The following SLC23A2 variants were observed in gnomAD, a reference collection of about 807,000 sequenced individuals.
SLC23A2 encodes the protein Na(+)/L-ascorbic acid transporter 2.
Under a neutral mutation model 73.3 loss-of-function variants are expected in SLC23A2, and 36 were observed. That is an observed-to-expected ratio of 0.49 (90% confidence interval 0.38 to 0.65). The LOEUF is 0.65. SLC23A2 is among the 30% of genes least tolerant of loss of function. SLC23A2 has a pLI of 0.00. For missense variants in SLC23A2, 507 were observed against 841.6 expected (o/e 0.60, Z 4.92); for synonymous variants, 343 against 327.3 (o/e 1.05, Z -0.52).
chr20:4,937,864 G>C (rs1248603333), intron 2 of SLC23A2, among the ~76,000 whole-genome samples: 2 of 152,024 alleles, frequency 1.3e-5, no homozygotes, highest in East Asian at 3.9e-4. Context: ...CTGAGGGGCA[G>C]GAATCACCTT....
chr20:4,897,265 G>A (rs552777911), intron 6 of SLC23A2, among the ~76,000 whole-genome samples: 51 of 152,224 alleles, frequency 3.4e-4, no homozygotes, highest in South Asian at 6.2e-4. Context: ...CCCCACCAAA[G>A]TCCCCAGCAC....
chr20:5,003,244 C>T (rs2088151404), upstream of SLC23A2, among the ~76,000 whole-genome samples: 1 of 151,970 alleles, frequency 6.6e-6, no homozygotes, highest in Non-Finnish European at 1.5e-5. Flanking sequence ...ATTAGCCGGG[C>T]GTGGTGGCGG....
intron 9 of SLC23A2, among the ~76,000 whole-genome samples, chr20:4,881,018 T>A (rs746176794): frequency 3.3e-5 from 5 of 152,192 alleles, no homozygotes; most frequent in Non-Finnish European, 5.9e-5. Flanking sequence ...GAGAACGGGT[T>A]CAGAATTTGT....
In SLC23A2 at chr20:4,872,394, C is replaced by T. The variant is rs778109368; in HGVS notation, c.1102+1542G>A. Among the ~76,000 whole-genome samples the T allele has an allele frequency of 5.9e-5, 9 of 152,200 alleles. 1 individual carries two copies. In the South Asian group the frequency reaches 8.3e-4, roughly 14 times the overall value. On this transcript the variant is annotated intron_variant, in intron 11 of 16. Coordinates refer to ENST00000338244, the MANE Select transcript of SLC23A2 (RefSeq NM_005116.6). The surrounding 1 kb of genome is among the most constrained non-coding windows in gnomAD (Gnocchi z 4.4). ...CGCTCACGGCCAGCACAACCTCAGGCGCTCTGTCTACTAAGTTTCGCCTTC... is the reference window on the plus strand; with the variant it reads ...CGCTCACGGCCAGCACAACCTCAGGTGCTCTGTCTACTAAGTTTCGCCTTC...
chr20:4,988,857 G>A (rs2087875979), intron 1 of SLC23A2, among the ~76,000 whole-genome samples: 1 of 152,050 alleles, frequency 6.6e-6, no homozygotes, highest in South Asian at 2.1e-4. Flanking sequence ...GTTGCAGTGA[G>A]CCAAGATTGC....
Position 4,879,408 on chromosome 20 carries a change from C to CAAAAAAAA in SLC23A2, c.824+4226_824+4233dup, listed in dbSNP as rs111565515. ...GGGCAACCAGAGTAAAACTCTGTCT[C>CAAAAAAAA]AAAAAAAAAAAAAAAAAAAAAAAAA... On this transcript the variant is annotated intron_variant, in intron 9 of 16. Coordinates refer to ENST00000338244, the MANE Select transcript of SLC23A2 (RefSeq NM_005116.6). Among the ~76,000 whole-genome samples the CAAAAAAAA allele has an allele frequency of 8.1e-4, 35 of 42,994 alleles. 2 individuals carry two copies. The highest frequency in any genetic ancestry group is 2.0e-3 in the African/African-American group (22 of 11,160). 28.2% of individuals were successfully genotyped at this position (42,994 alleles called of 152,430 possible).
At chr20:4,934,120 A>T (rs955292890) in intron 2 of SLC23A2, among the ~76,000 whole-genome samples, 3 of 152,212 alleles carry the variant, frequency 2.0e-5, no homozygotes, top group African/African-American at 7.2e-5. Flanking sequence ...CACACATCAA[A>T]TTCTTCCGGG....
intron 3 of SLC23A2, among the ~76,000 whole-genome samples, chr20:4,927,638 T>A (rs532080505): frequency 6.6e-6 from 1 of 152,242 alleles, no homozygotes; most frequent in Admixed American, 6.5e-5. Context: ...AAACTTATGG[T>A]TTTCCCTAGA....
chr20:4,955,463 A>G (rs902015882), intron 2 of SLC23A2, among the ~76,000 whole-genome samples: 1 of 151,942 alleles, frequency 6.6e-6, no homozygotes, highest in Non-Finnish European at 1.5e-5. Flanking sequence ...ATTCCCATAC[A>G]TGAGCACTAA....
intron 4 of SLC23A2, among the ~76,000 whole-genome samples, chr20:4,905,583 G>C (rs1931915386): frequency 6.6e-6 from 1 of 152,200 alleles, no homozygotes; most frequent in African/African-American, 2.4e-5. Context: ...GTGCTCCAAA[G>C]ACTAGAGTGA....
chr20:4,863,838 A>T lies in SLC23A2; in HGVS notation c.1357-931T>A, dbSNP rs901151014. The stretch of plus-strand genomic sequence containing the variant: ...TCACCCAAATGCTCCTCTGAAAAGC[A>T]TCCCAACTCCAGGACTATTCCCCCA... On this transcript the variant is annotated intron_variant, in intron 13 of 16. Coordinates refer to ENST00000338244, the MANE Select transcript of SLC23A2 (RefSeq NM_005116.6). The surrounding 1 kb of genome is among the most constrained non-coding windows in gnomAD (Gnocchi z 4.8). Among the ~76,000 whole-genome samples the T allele has an allele frequency of 6.6e-6, 1 of 152,214 alleles. No individual in the cohort carries two copies. The highest frequency in any genetic ancestry group is 1.5e-5 in the Non-Finnish European group (1 of 68,044).
intron 6 of SLC23A2, among the ~76,000 whole-genome samples, chr20:4,886,591 C>G (rs551698149): frequency 6.6e-6 from 1 of 152,168 alleles, no homozygotes; most frequent in Admixed American, 6.5e-5. Context: ...CCTCAAATGA[C>G]ATGATTTGAT....
intron 1 of SLC23A2, among the ~76,000 whole-genome samples, chr20:5,009,328 C>T (rs148269444): frequency 1.9e-4 from 29 of 152,318 alleles, no homozygotes; most frequent in Admixed American, 3.3e-4. Context: ...AAGGCCATCA[C>T]ATTTCTACTG....
At chr20:4,864,780 G>C (rs1930126521) in intron 13 of SLC23A2, among the ~76,000 whole-genome samples, 1 of 152,174 alleles carries the variant, frequency 6.6e-6, no homozygotes, top group South Asian at 2.1e-4. Context: ...AGATGGTCCT[G>C]AGGGGTGAGT....
chr20:4,874,722 G>C, intron 9 of SLC23A2, 26 bp from the exon 10 acceptor site: 1 of 1,556,528 alleles, frequency 6.4e-7, no homozygotes. Context: ...AAACAAACTA[G>C]GTCAAAAGCT....
chr20:4,930,127 C>A (rs944570271), intron 3 of SLC23A2, among the ~76,000 whole-genome samples: 1 of 152,196 alleles, frequency 6.6e-6, no homozygotes, highest in African/African-American at 2.4e-5. Context: ...ATCTTAAATT[C>A]TGGACCATAA....
At chr20:4,878,842 T>C (rs1930760518) in intron 9 of SLC23A2, among the ~76,000 whole-genome samples, 1 of 152,236 alleles carries the variant, frequency 6.6e-6, no homozygotes, top group African/African-American at 2.4e-5. Flanking sequence ...TGTCTACCCC[T>C]GTCCCAGGAC....
At chr20:4,938,570 G>A (rs567839140) in intron 2 of SLC23A2, among the ~76,000 whole-genome samples, 26 of 152,144 alleles carry the variant, frequency 1.7e-4, no homozygotes, top group Admixed American at 4.6e-4. Flanking sequence ...CAGGTGATCC[G>A]CCCACCTTGG....
chr20:4,898,400 G>T (rs991558040), intron 6 of SLC23A2, among the ~76,000 whole-genome samples: 2 of 152,220 alleles, frequency 1.3e-5, no homozygotes, highest in African/African-American at 4.8e-5. Flanking sequence ...CCCGTGCCGC[G>T]TTAGGGCAAC....
Sources: allele counts gnomAD v4.1 joint callset (sites outside exome capture counted in the v4.1 genomes callset), GRCh38; gene constraint gnomAD v4.1.1; non-coding constraint Gnocchi (gnomAD v3.1); transcripts MANE v1.5; gene names NCBI Gene and HGNC (gene_info 2026-07-23, HGNC 2026-07-21).